Variants in COL9A1 observed in about 807,000 individuals in gnomAD.
COL9A1 encodes collagen type IX alpha 1 chain.
Under a neutral mutation model 142.6 loss-of-function variants are expected in COL9A1, and 104 were observed. That is an observed-to-expected ratio of 0.73 (90% confidence interval 0.62 to 0.86). COL9A1 has a LOEUF of 0.86. Ranked by LOEUF, COL9A1 falls within the 40% of genes least tolerant of loss-of-function variation. The pLI, the probability that COL9A1 is intolerant of heterozygous loss-of-function variation, is 0.00. For missense variants in COL9A1, 1,210 were observed against 1,176.6 expected, an observed-to-expected ratio of 1.03 and a Z score of -0.42; for synonymous variants, 466 against 396.0, an observed-to-expected ratio of 1.18 and a Z score of -2.10.
At chr6:70,274,825 C>A in intron 10 of COL9A1, 53 bp from the exon 11 acceptor site, 1 of 1,424,434 alleles carries the variant, frequency 7.0e-7, no homozygotes, top group Non-Finnish European at 9.9e-7. Flanking sequence ...TTAGGCAAAC[C>A]ACTAAGTAGA....
chr6:70,280,713 CTCTCTT>C, intron 10 of COL9A1, 93 bp downstream of exon 10: 1 of 1,422,280 alleles, frequency 7.0e-7, no homozygotes, highest in South Asian at 1.2e-5. Context: ...CGTTCTCTCT[CTCTCTT>C]TCTCTCTCTC....
intron 28 of COL9A1, among the ~76,000 whole-genome samples, chr6:70,246,559 T>C (rs573128383): frequency 6.6e-6 from 1 of 152,328 alleles, no homozygotes; most frequent in African/African-American, 2.4e-5. Flanking sequence ...ATTTAGCCCC[T>C]TGCCCTCTGA....
intron 12 of COL9A1, among the ~76,000 whole-genome samples, chr6:70,272,490 T>C (rs1772471713): frequency 6.6e-6 from 1 of 152,092 alleles, no homozygotes; most frequent in Admixed American, 6.5e-5. Flanking sequence ...AGTTTTACAA[T>C]CTATAATAAA....
At chr6:70,273,870 G>C (rs1772563185) in intron 12 of COL9A1, 177 bp downstream of exon 12, 1 of 287,042 alleles carries the variant, frequency 3.5e-6, no homozygotes, top group Non-Finnish European at 6.3e-6. Flanking sequence ...TACCATACCA[G>C]ATGTCATCAA....
chr6:70,232,798 A>G lies in COL9A1; in HGVS notation c.2315-27T>C, dbSNP rs975062720. The G allele has an allele frequency of 1.9e-6, 3 of 1,584,526 alleles. No individual in the cohort carries two copies. In the African/African-American group the frequency reaches 4.0e-5, roughly 21 times the overall value. ...TAAAAGAGAATAAACAAAACAACCC[A>G]GAAGTGTCAGAAACATAAAAGTTAT... On this transcript the variant is annotated intron_variant, in intron 35 of 37. Transcript: ENST00000357250.
intron 36 of COL9A1, 152 bp downstream of exon 36, chr6:70,232,431 G>T: frequency 1.1e-6 from 1 of 915,086 alleles, no homozygotes; most frequent in Non-Finnish European, 1.8e-6. Context: ...AACAGTTTTT[G>T]AATCTTCACC....
chr6:70,218,611 C>G (rs1035364932), intron 37 of COL9A1, among the ~76,000 whole-genome samples: 3 of 152,182 alleles, frequency 2.0e-5, no homozygotes, highest in Non-Finnish European at 4.4e-5. Context: ...TCTACATGTT[C>G]AACTACATAT....
Position 70,240,068 on chromosome 6 carries a change from CA to C in COL9A1, c.2079+620del, listed in dbSNP as rs577447138. 1.1e-3 allele frequency among the ~76,000 whole-genome samples: 165 copies of C among 152,246 alleles called. 1 individual carries two copies. The highest frequency in any genetic ancestry group is 3.7e-3 in the African/African-American group (152 of 41,540). ...ATTACCCTACCCCAAAGGACCAAAA[CA>C]TAAGTTTCCACATTAGGTCACATTA... On this transcript the variant is annotated intron_variant, in intron 32 of 37. Transcript: ENST00000357250.
chr6:70,268,964 A>G (rs1772220665), intron 16 of COL9A1, 104 bp from the exon 17 acceptor site: 1 of 858,954 alleles, frequency 1.2e-6, no homozygotes, highest in African/African-American at 1.6e-5. Context: ...CCAGTTACAG[A>G]ACTCCATTGC....
At chr6:70,242,147 G>A (rs1770299457) in intron 29 of COL9A1, 112 bp from the exon 30 acceptor site, 2 of 930,198 alleles carry the variant, frequency 2.2e-6, no homozygotes, top group South Asian at 1.4e-5. Flanking sequence ...ACGTGCTGTG[G>A]TTGGTTGAAC....
intron 4 of COL9A1, among the ~76,000 whole-genome samples, chr6:70,296,198 A>C (rs561040894): frequency 3.4e-4 from 52 of 152,350 alleles, no homozygotes; most frequent in Admixed American, 7.2e-4. Context: ...TAAAGATAAC[A>C]AAAAGGTTAA....
chr6:70,258,343 A>G (rs558181), intron 20 of COL9A1, among the ~76,000 whole-genome samples: 58,423 of 152,102 alleles, frequency 0.38, 11,533 homozygotes, highest in African/African-American at 0.42. Flanking sequence ...AAGAAATCAA[A>G]TGTCAAATTT....
chr6:70,299,456 C>T (rs1168761798), intron 4 of COL9A1, among the ~76,000 whole-genome samples: 1 of 152,140 alleles, frequency 6.6e-6, no homozygotes, highest in East Asian at 1.9e-4. Flanking sequence ...GGACTCAACA[C>T]TTACACACTA....
chr6:70,265,932 C>T (rs1219668665), intron 18 of COL9A1, among the ~76,000 whole-genome samples: 1 of 152,062 alleles, frequency 6.6e-6, no homozygotes, highest in Admixed American at 6.5e-5. Flanking sequence ...TCTATCACTA[C>T]CCAATAAAGG....
chr6:70,236,154 A>C (rs1769897335), intron 33 of COL9A1, among the ~76,000 whole-genome samples: 1 of 151,008 alleles, frequency 6.6e-6, no homozygotes, highest in Admixed American at 6.6e-5. Flanking sequence ...TGACCAAAGA[A>C]AGTTACAACT....
At chr6:70,249,714 C>T (rs1426055749) in intron 28 of COL9A1, among the ~76,000 whole-genome samples, 1 of 152,108 alleles carries the variant, frequency 6.6e-6, no homozygotes, top group Non-Finnish European at 1.5e-5. Flanking sequence ...AAACTCAGAT[C>T]CAAAACCCTG....
rs949831114 is a variant in COL9A1 at position 70,284,171 on chromosome 6, C to T, written c.697-351G>A. 5.9e-5 allele frequency among the ~76,000 whole-genome samples: 9 copies of T among 152,206 alleles called. 1 individual carries two copies. In the South Asian group the frequency reaches 6.2e-4, roughly 11 times the overall value. ...AAATGAGGTTCAGAGAGAACAGAAA[C>T]GGTCCAAGTCACAAACCAATAAGTG... On this transcript the variant is annotated intron_variant, in intron 5 of 37. Transcript: ENST00000357250.
At chr6:70,257,056 T>C (rs1439029860) in intron 20 of COL9A1, among the ~76,000 whole-genome samples, 1 of 141,928 alleles carries the variant, frequency 7.0e-6, no homozygotes, top group Non-Finnish European at 1.5e-5. Context: ...TAATTTTTTT[T>C]TTTTTTTTTT....
chr6:70,221,716 G>T (rs1191060378), intron 37 of COL9A1, among the ~76,000 whole-genome samples: 1 of 152,114 alleles, frequency 6.6e-6, no homozygotes. Context: ...TTTATGTTTT[G>T]CCCTAGTGAG....
Sources: allele counts gnomAD v4.1 joint callset (sites outside exome capture counted in the v4.1 genomes callset), GRCh38; gene constraint gnomAD v4.1.1; transcripts MANE v1.5; gene names NCBI Gene and HGNC (gene_info 2026-07-23, HGNC 2026-07-21).